DOK6: variants seen among roughly 807,000 people sequenced by gnomAD.
The protein encoded by DOK6 is docking protein 6.
A neutral mutation model predicts 44.0 loss-of-function variants in DOK6; 22 were observed. The observed-to-expected ratio is 0.50, with a 90% CI of 0.36 to 0.71. The LOEUF (loss-of-function observed/expected upper bound fraction) is 0.71, where lower values mean the gene tolerates loss of function less well. Ranked by LOEUF, DOK6 falls within the 30% of genes least tolerant of loss-of-function variation. The pLI is 0.00. For missense variants in DOK6, 340 were observed against 416.4 expected, an observed-to-expected ratio of 0.82 and a Z score of 1.60; for synonymous variants, 166 against 145.5, an observed-to-expected ratio of 1.14 and a Z score of -1.01.
At chr18:69,497,847 A>G (rs1184214643) in intron 1 of DOK6, among the ~76,000 whole-genome samples, 1 of 152,162 alleles carries the variant, frequency 6.6e-6, no homozygotes, top group Non-Finnish European at 1.5e-5. Flanking sequence ...AATATTGGAC[A>G]GGTATAGTTG....
At chr18:69,668,407 T>C (rs2144677819) in intron 3 of DOK6, among the ~76,000 whole-genome samples, 1 of 152,336 alleles carries the variant, frequency 6.6e-6, no homozygotes, top group East Asian at 1.9e-4. Context: ...TCTTTCATGC[T>C]ATTCTTTTCA....
chr18:69,678,667 T>A (rs9636023), intron 4 of DOK6, among the ~76,000 whole-genome samples: 66,256 of 152,010 alleles, frequency 0.44, 15,038 homozygotes, highest in East Asian at 0.74. Flanking sequence ...CAATTTATGC[T>A]GCATGTTCTT....
At chr18:69,496,427 C>T (rs529833355) in intron 1 of DOK6, among the ~76,000 whole-genome samples, 1 of 152,216 alleles carries the variant, frequency 6.6e-6, no homozygotes, top group Non-Finnish European at 1.5e-5. Flanking sequence ...CGGGGCTTCC[C>T]GGCTGCAGCT....
chr18:69,442,565 C>A (rs186637443), intron 1 of DOK6, among the ~76,000 whole-genome samples: 134 of 152,260 alleles, frequency 8.8e-4, no homozygotes, highest in African/African-American at 3.2e-3. Flanking sequence ...GAGGCCCCTC[C>A]CGCAACATGT....
rs572317746 is a variant in DOK6 at position 69,786,280 on chromosome 18, G to C, written c.856+28407G>C. On this transcript the variant is annotated intron_variant, in intron 7 of 7. Coordinates refer to ENST00000382713, the MANE Select transcript of DOK6 (RefSeq NM_152721.6). The stretch of plus-strand genomic sequence containing the variant: ...AATCTAGCAAAAAAATCCTATATTT[G>C]ATTTTTGAAATATGTGTTGATCTTA... 5.4e-4 allele frequency among the ~76,000 whole-genome samples: 82 copies of C among 152,174 alleles called. 2 individuals carry two copies. The highest frequency in any genetic ancestry group is 1.7e-3 in the African/African-American group (72 of 41,544).
intron 7 of DOK6, among the ~76,000 whole-genome samples, chr18:69,825,984 T>TA (rs1252294249): frequency 2.0e-5 from 3 of 152,130 alleles, no homozygotes; most frequent in Non-Finnish European, 4.4e-5. Flanking sequence ...CACTGTGCTG[T>TA]ATGGCAGTGT....
intron 7 of DOK6, among the ~76,000 whole-genome samples, chr18:69,776,527 A>G (rs1980072208): frequency 6.6e-6 from 1 of 152,100 alleles, no homozygotes; most frequent in South Asian, 2.1e-4. Context: ...TTATAGACTT[A>G]CATACACGTA....
At chr18:69,590,534 T>G (rs796766408) in intron 2 of DOK6, among the ~76,000 whole-genome samples, 7 of 152,122 alleles carry the variant, frequency 4.6e-5, no homozygotes, top group African/African-American at 1.7e-4. Flanking sequence ...GGAACTTAGC[T>G]TGTGTTGAGA....
intron 1 of DOK6, among the ~76,000 whole-genome samples, chr18:69,541,476 G>A (rs1425694604): frequency 2.6e-5 from 4 of 151,446 alleles, no homozygotes; most frequent in Non-Finnish European, 1.5e-5. Flanking sequence ...TCATTTATGA[G>A]AGATATTTTA....
At chr18:69,677,902 A>G (rs1437762554) in intron 4 of DOK6, 49 bp downstream of exon 4, 1 of 1,579,388 alleles carries the variant, frequency 6.3e-7, no homozygotes, top group East Asian at 2.3e-5. Flanking sequence ...TTGTAATTGT[A>G]GAACTTTGAA....
intron 1 of DOK6, among the ~76,000 whole-genome samples, chr18:69,511,436 A>G (rs753251863): frequency 1.2e-4 from 18 of 152,318 alleles, no homozygotes; most frequent in Non-Finnish European, 2.4e-4. Context: ...TAAATATTTG[A>G]AGGACTCGTA....
At chr18:69,612,610 C>T (rs779468855) in intron 3 of DOK6, among the ~76,000 whole-genome samples, 5 of 50,238 alleles carry the variant, frequency 1.0e-4, no homozygotes, top group Non-Finnish European at 2.2e-4. Flanking sequence ...TTCCCCCTCA[C>T]GCTGCTTAGT....
At chr18:69,820,442 C>T (rs1981535793) in intron 7 of DOK6, among the ~76,000 whole-genome samples, 1 of 152,156 alleles carries the variant, frequency 6.6e-6, no homozygotes, top group African/African-American at 2.4e-5. Context: ...ATCAAGCTGC[C>T]TCTGTGCATG....
At chr18:69,768,148 A>G (rs1161528884) in intron 7 of DOK6, among the ~76,000 whole-genome samples, 1 of 152,166 alleles carries the variant, frequency 6.6e-6, no homozygotes, top group Non-Finnish European at 1.5e-5. Context: ...AAGGCATGTC[A>G]AATAAATTAT....
rs143169190 is a variant in DOK6, at chr18:69,491,232, C to G, written c.67-73255C>G. ...GTTTAAATTAACCAACCAATGTTAT[C>G]AGTGCAGAACATCTATGGAGTTTGC... On this transcript the variant is annotated intron_variant, in intron 1 of 7. Transcript: ENST00000382713. Among the ~76,000 whole-genome samples the G allele has an allele frequency of 4.6e-3, 701 of 152,260 alleles. 2 individuals carry two copies. Among genetic ancestry groups the G allele is most frequent in the Middle Eastern group, 0.01 (3 of 294 alleles).
rs576414530 is a variant in DOK6 at position 69,472,354 on chromosome 18, T to C, written c.66+71044T>C. ...TGTACCACTCTCCCGAGTGTCTTTA[T>C]AATGAGAATACCCCCAGGGACCTGC... is the stretch of plus-strand genomic sequence containing the variant. On this transcript the variant is annotated intron_variant, in intron 1 of 7. Transcript: ENST00000382713. Among the ~76,000 whole-genome samples the C allele has an allele frequency of 9.8e-5, 15 of 152,312 alleles. No individual in the cohort carries two copies. The South Asian group carries it at 3.1e-3, about 32-fold the overall frequency.
rs540158717 is a variant in DOK6 at position 69,707,850 on chromosome 18, T to C, written c.599+9257T>C. Among the ~76,000 whole-genome samples the C allele has an allele frequency of 8.5e-5, 13 of 152,194 alleles. No individual in the cohort carries two copies. The South Asian group carries it at 2.7e-3, about 32-fold the overall frequency. On this transcript the variant is annotated intron_variant, in intron 5 of 7. Coordinates refer to ENST00000382713, the MANE Select transcript of DOK6 (RefSeq NM_152721.6). ...CTAGGCAAACGGGCACCAAGTTTAA[T>C]TGTAGGGACTCAGGAAAAGCTTCCT... is the stretch of plus-strand genomic sequence containing the variant.
At chr18:69,829,816 T>C (rs1384580866) in intron 7 of DOK6, among the ~76,000 whole-genome samples, 1 of 151,898 alleles carries the variant, frequency 6.6e-6, no homozygotes, top group Non-Finnish European at 1.5e-5. Flanking sequence ...TAGTTTTTTG[T>C]ATTCAACTTG....
intron 3 of DOK6, among the ~76,000 whole-genome samples, chr18:69,629,934 G>T (rs1984652206): frequency 6.6e-6 from 1 of 151,840 alleles, no homozygotes; most frequent in Non-Finnish European, 1.5e-5. Context: ...GGGATTACAG[G>T]TGCTAATTTG....
Sources: gnomAD v4.1 joint callset for allele counts (sites outside exome capture counted in the v4.1 genomes callset) on GRCh38, gnomAD v4.1.1 for gene constraint, MANE v1.5 for transcripts, NCBI Gene and HGNC (gene_info 2026-07-23, HGNC 2026-07-21) for gene names.